Variants in TLE5 observed in about 807,000 individuals in gnomAD.
TLE5 encodes the protein TLE family member 5.
Under a neutral mutation model 25.8 loss-of-function variants are expected in TLE5, and 7 were observed. The ratio of observed to expected loss-of-function variants is 0.27; its 90% CI spans 0.15 to 0.51. TLE5 has a LOEUF of 0.51. Among genes scored for constraint, TLE5 ranks in the 20% least tolerant of loss-of-function variants. The pLI is 0.97. For synonymous variants in TLE5, 132 were observed against 110.5 expected (o/e 1.20, Z -1.22); for missense variants, 149 against 250.7 (o/e 0.59, Z 2.74).
At chr19:3,056,653 C>T (rs1414670280) in intron 3 of TLE5, 13 of 606,724 alleles carry the variant, frequency 2.1e-5, no homozygotes, top group South Asian at 4.6e-5. Flanking sequence ...CCATGTGCAC[C>T]GCGAGAACAC....
rs1160115764 is a variant in TLE5, at chr19:3,062,406, C to T, written c.-206G>A. 8 of 875,596 alleles carry T rather than the reference C, an allele frequency of 9.1e-6. No individual in the cohort carries two copies. The highest frequency in any genetic ancestry group is 1.1e-5 in the Non-Finnish European group (8 of 733,594). The allele number at this position is 875,596 out of a possible 1,614,324, so 54.2% of individuals were successfully genotyped here. A position where few individuals can be genotyped will look rare whatever the true frequency, so the allele number is the denominator to read the frequency against. The stretch of plus-strand genomic sequence containing the variant: ...CGCGCCCCGGGCCCCGCTTCCTGCG[C>T]GCCCGGCGCCCCTCCCCGCCCCTCC... On this transcript the variant is annotated 5_prime_UTR_variant, in exon 1 of 7. Transcript: ENST00000327141.
At chr19:3,060,491 C>G (rs146054576) in intron 2 of TLE5, among the ~76,000 whole-genome samples, 301 of 152,010 alleles carry the variant, frequency 2.0e-3, no homozygotes, top group Middle Eastern at 6.8e-3. Flanking sequence ...CGCCACCACA[C>G]CCAGCTAACT....
intron 4 of TLE5, 72 bp downstream of exon 4, chr19:3,056,240 A>G: frequency 9.9e-7 from 1 of 1,008,326 alleles, no homozygotes; most frequent in Non-Finnish European, 1.3e-6. Flanking sequence ...GGGGGTGCCC[A>G]AGGCGGGGCT....
At chr19:3,058,390 C>T (rs1178587019) in intron 2 of TLE5, among the ~76,000 whole-genome samples, 1 of 152,126 alleles carries the variant, frequency 6.6e-6, no homozygotes. Flanking sequence ...AGCCAAGCAG[C>T]AGCCCAAGCT....
At chr19:3,062,762 T>G (rs1452352037), upstream of TLE5, 2 of 1,547,362 alleles carry the variant, frequency 1.3e-6, no homozygotes, top group African/African-American at 2.7e-5. Context: ...GCTGCCCGCG[T>G]CGAAGCCGCC....
upstream of TLE5, chr19:3,062,828 C>T: frequency 6.5e-7 from 1 of 1,549,416 alleles, no homozygotes; most frequent in Non-Finnish European, 8.7e-7. Context: ...GTGACCTTGG[C>T]TCTGGCTGGG....
At chr19:3,062,788 C>T (rs567830569), upstream of TLE5, 2 of 1,549,634 alleles carry the variant, frequency 1.3e-6, no homozygotes, top group East Asian at 2.5e-5. Context: ...TGCTGTGGCA[C>T]GACCTGGACG....
At chr19:3,056,037 T>C (rs994199684) in intron 4 of TLE5, 3 of 511,102 alleles carry the variant, frequency 5.9e-6, no homozygotes, top group East Asian at 6.9e-5. Flanking sequence ...TGTGCGAATG[T>C]AGGGAGGGCT....
chr19:3,061,756 G>C (rs995897739), intron 1 of TLE5, among the ~76,000 whole-genome samples: 1 of 151,170 alleles, frequency 6.6e-6, no homozygotes, highest in African/African-American at 2.4e-5. Flanking sequence ...TCCGGGAGGG[G>C]TGCGCCTCGG....
chr19:3,059,444 T>C (rs531761218), intron 2 of TLE5, among the ~76,000 whole-genome samples: 209 of 152,024 alleles, frequency 1.4e-3, no homozygotes, highest in African/African-American at 4.8e-3. Flanking sequence ...ATCGCTTGAA[T>C]CCCAAAGGTG....
chr19:3,053,737 G>A lies in TLE5; in HGVS notation c.*82C>T. On this transcript the variant is annotated 3_prime_UTR_variant, in exon 7 of 7. Coordinates refer to ENST00000327141, the MANE Select transcript of TLE5 (RefSeq NM_001130.6). ...TTTAGCCAATCCCGAGCTCCGCTGTGTCTTGTGCTAAACATTCCTTTCTCT... is the reference window on the plus strand; with the variant it reads ...TTTAGCCAATCCCGAGCTCCGCTGTATCTTGTGCTAAACATTCCTTTCTCT... 1 of 1,473,088 alleles carries A rather than the reference G, an allele frequency of 6.8e-7. No homozygotes were observed. The highest frequency in any genetic ancestry group is 1.9e-5 in the Admixed American group (1 of 51,590). The allele number at this position is 1,473,088 out of a possible 1,614,324, so 91.3% of individuals were successfully genotyped here. A position where few individuals can be genotyped will look rare whatever the true frequency, so the allele number is the denominator to read the frequency against.
chr19:3,053,860 C>T lies in TLE5; in HGVS notation c.553G>A (p.Gly185Ser). Residue 185 changes from glycine to serine, a missense_variant, in exon 7 of 7, where the codon GGT becomes AGT. Physicochemically the swap from Gly to Ser is moderately conservative, Grantham distance 56. Transcript: ENST00000327141. ...LSKEDKNGHD[G>S]DTHQEDDGEK... The stretch of plus-strand genomic sequence containing the variant: ...CCATCATCCTCCTGGTGGGTGTCAC[C>T]ATCGTGCCCGTTCTTGTCTTCCTTG... 1.2e-6 allele frequency: 2 copies of T among 1,613,386 alleles called. No individual in the cohort carries two copies. The highest frequency in any genetic ancestry group is 1.7e-6 in the Non-Finnish European group (2 of 1,180,024).
intron 3 of TLE5, chr19:3,057,345 C>T (rs1482323151): frequency 3.7e-5 from 13 of 352,206 alleles, no homozygotes; most frequent in South Asian, 1.2e-4. Flanking sequence ...GGGAGGGACT[C>T]GGCTGCTCCC....
intron 3 of TLE5, 163 bp downstream of exon 3, chr19:3,057,516 G>C: frequency 1.5e-6 from 1 of 679,172 alleles, no homozygotes; most frequent in Non-Finnish European, 2.5e-6. Flanking sequence ...TAGCGAGGCA[G>C]GCTCAGCCCA....
upstream of TLE5, chr19:3,062,861 G>C: frequency 6.7e-7 from 1 of 1,500,908 alleles, no homozygotes; most frequent in Non-Finnish European, 9.1e-7. Flanking sequence ...CTGAGCCTTA[G>C]TTTCCTTTTC....
At chr19:3,056,209 AG>A (rs1174184380) in intron 4 of TLE5, 102 bp downstream of exon 4, 11 of 555,208 alleles carry the variant, frequency 2.0e-5, no homozygotes, top group Admixed American at 4.3e-5. Context: ...TGCCCAGCCG[AG>A]GGCCGGCCGC....
Position 3,053,780 on chromosome 19 carries a change from C to A in TLE5, c.*39G>T, listed in dbSNP as rs753387780. 1 of 1,594,494 alleles carries A rather than the reference C, an allele frequency of 6.3e-7. No homozygotes were observed. The highest frequency in any genetic ancestry group is 1.1e-5 in the South Asian group (1 of 90,024). On this transcript the variant is annotated 3_prime_UTR_variant, in exon 7 of 7. Transcript: ENST00000327141. Reference sequence around the variant, plus strand: ...CTTTCTCTCCGTGCCTCTGTCTCCCCTCTGTCCCCCCTCCCAACCTCCCTG... The same window carrying A: ...CTTTCTCTCCGTGCCTCTGTCTCCCATCTGTCCCCCCTCCCAACCTCCCTG...
rs918018655 is a variant in TLE5, at chr19:3,053,122, A to C, written c.*697T>G. On this transcript the variant is annotated 3_prime_UTR_variant, in exon 7 of 7. Transcript: ENST00000327141. ...AAAAGACAAGCTAGTATACTGGAAA[A>C]AGAAAAAAATAATAATAAAATAAAA... 2 of 151,994 alleles carry C rather than the reference A, an allele frequency of 1.3e-5. No individual in the cohort carries two copies. Among genetic ancestry groups the C allele is most frequent in the Non-Finnish European group, 2.9e-5 (2 of 68,006 alleles). The allele number at this position is 151,994 out of a possible 1,614,324, so 9.4% of individuals were successfully genotyped here.
At chr19:3,057,450 C>T (rs1285654364) in intron 3 of TLE5, 5 of 552,384 alleles carry the variant, frequency 9.1e-6, no homozygotes, top group South Asian at 6.2e-5. Context: ...CTGGCAGGGC[C>T]GGTCTGCAAC....
Sources: allele counts gnomAD v4.1 joint callset (sites outside exome capture counted in the v4.1 genomes callset), GRCh38; gene constraint gnomAD v4.1.1; transcripts MANE v1.5; gene names NCBI Gene and HGNC (gene_info 2026-07-23, HGNC 2026-07-21).